STS: variants seen among roughly 807,000 people sequenced by gnomAD.
The protein encoded by STS is steryl-sulfatase.
In STS, 7 loss-of-function variants were observed where a neutral mutation model predicts 26.8. The ratio of observed to expected loss-of-function variants is 0.26; its 90% CI spans 0.15 to 0.49. STS has a LOEUF of 0.49. Ranked by LOEUF, STS falls within the 20% of genes least tolerant of loss-of-function variation. The pLI is 0.98. For synonymous variants in STS, 199 were observed against 189.4 expected, an observed-to-expected ratio of 1.05 and a Z score of -0.42; for missense variants, 434 against 465.6, an observed-to-expected ratio of 0.93 and a Z score of 0.63.
In STS at chrX:7,334,008, A is replaced by G. The variant is rs768132767; in HGVS notation, c.1264A>G (p.Met422Val). The change falls in exon 10 of 11, where the codon ATG becomes GTG. Residue 422 changes from methionine (M) to valine (V), a missense_variant. This residue lies in a region of STS where 205 missense variants were observed against 177.3 expected (regional missense o/e 1.16). Transcript: ENST00000674429. ...EDRIIDGRDL[M>V]PLLEGKSQRS... ...CAGGATCATTGATGGACGTGATCTG[A>G]TGCCCCTGCTTGAAGGAAAAAGCCA... The G allele has an allele frequency of 4.1e-6, 5 of 1,209,494 alleles. No individual in the cohort carries two copies. The African/African-American group carries it at 8.8e-5, about 21-fold the overall frequency.
chrX:7,323,542 A>C (rs1431151786), intron 8 of STS, among the ~76,000 whole-genome samples: 2 of 111,789 alleles, frequency 1.8e-5, no homozygotes, highest in African/African-American at 6.5e-5. Context: ...TGTTGCTACA[A>C]AGGACAATAT....
intron 7 of STS, among the ~76,000 whole-genome samples, chrX:7,283,261 G>A (rs901173750): frequency 9.0e-6 from 1 of 111,682 alleles, no homozygotes; most frequent in African/African-American, 3.3e-5. Context: ...GGAAGGTCAC[G>A]GCAGAAAGAA....
At chrX:7,209,807 G>T (rs1455365802) in intron 2 of STS, among the ~76,000 whole-genome samples, 1 of 109,522 alleles carries the variant, frequency 9.1e-6, no homozygotes, top group Non-Finnish European at 1.9e-5. Context: ...CCTGGTGTGT[G>T]TTGTTCCCCT....
chrX:7,188,004 A>T (rs1178913219), intron 1 of STS, among the ~76,000 whole-genome samples: 2 of 112,205 alleles, frequency 1.8e-5, no homozygotes, highest in Non-Finnish European at 3.8e-5. Flanking sequence ...CTTTGAACAC[A>T]CAAATCAGAA....
chrX:7,334,045 A>G lies in STS; in HGVS notation c.1301A>G (p.His434Arg). ...LLEGKSQRSD[H>R]EFLFHYCNAY... ...GAAGGAAAAAGCCAACGCTCCGATC[A>G]TGAGTTTCTCTTCCATTACTGCAAC... Residue 434 changes from histidine to arginine, a missense_variant, in exon 10 of 11, where the codon CAT becomes CGT. Physicochemically the swap from His to Arg is conservative, Grantham distance 29 (BLOSUM62 0). Transcript: ENST00000674429. 1.7e-6 allele frequency: 2 copies of G among 1,211,598 alleles called. No individual in the cohort carries two copies. Among genetic ancestry groups the G allele is most frequent in the South Asian group, 1.8e-5 (1 of 56,984 alleles).
At chrX:7,234,721 A>G (rs1465117714) in intron 2 of STS, among the ~76,000 whole-genome samples, 1 of 112,086 alleles carries the variant, frequency 8.9e-6, no homozygotes, top group Non-Finnish European at 1.9e-5. Flanking sequence ...GGATGTAAAG[A>G]CTATCCTCAT....
chrX:7,312,866 TC>T (rs757772434), intron 8 of STS, among the ~76,000 whole-genome samples: 1 of 112,485 alleles, frequency 8.9e-6, no homozygotes, highest in Non-Finnish European at 1.9e-5. Flanking sequence ...AGATTTCTCT[TC>T]CTTCTGTCTC....
chrX:7,293,872 C>CTT (rs1455454817), intron 7 of STS, among the ~76,000 whole-genome samples: 3 of 111,373 alleles, frequency 2.7e-5, no homozygotes, highest in Non-Finnish European at 5.7e-5. Context: ...GAAGGGTTAG[C>CTT]TTGAGACCAG....
At chrX:7,286,317 C>T (rs1411997055) in intron 7 of STS, among the ~76,000 whole-genome samples, 14 of 111,370 alleles carry the variant, frequency 1.3e-4, no homozygotes, top group Admixed American at 8.7e-4. Flanking sequence ...TTGGTTTATT[C>T]AGACTGTCAA....
intron 7 of STS, among the ~76,000 whole-genome samples, chrX:7,293,145 G>A (rs1466165073): frequency 2.7e-5 from 3 of 112,038 alleles, no homozygotes; most frequent in African/African-American, 9.7e-5. Context: ...TTGGCTCTCA[G>A]TTGCCATCTC....
chrX:7,194,950 C>T (rs1012551093), intron 2 of STS, among the ~76,000 whole-genome samples: 7 of 111,221 alleles, frequency 6.3e-5, no homozygotes, highest in Non-Finnish European at 9.4e-5. Flanking sequence ...AGCAAGTGAC[C>T]GTACTGAATA....
At chrX:7,232,832 C>T (rs144616017) in intron 2 of STS, among the ~76,000 whole-genome samples, 11 of 111,745 alleles carry the variant, frequency 9.8e-5, no homozygotes, top group Middle Eastern at 4.7e-3. Context: ...GGGAGGTGAC[C>T]GGATCATGGG....
At chrX:7,172,798 C>CA (rs1933492897) in intron 1 of STS, among the ~76,000 whole-genome samples, 1 of 111,887 alleles carries the variant, frequency 8.9e-6, no homozygotes, top group Non-Finnish European at 1.9e-5. Flanking sequence ...TTCTTACCTA[C>CA]AAATAACAAA....
At chrX:7,232,415 G>A (rs182702110) in intron 2 of STS, among the ~76,000 whole-genome samples, 1 of 111,950 alleles carries the variant, frequency 8.9e-6, no homozygotes, top group East Asian at 2.8e-4. Flanking sequence ...TAGAGAATGG[G>A]TTTAGAGAAG....
intron 8 of STS, among the ~76,000 whole-genome samples, chrX:7,313,974 G>T (rs1052773495): frequency 1.1e-4 from 12 of 111,780 alleles, no homozygotes; most frequent in African/African-American, 3.9e-4. Flanking sequence ...GTTTTGCATT[G>T]TTGGCTAGGA....
intron 1 of STS, among the ~76,000 whole-genome samples, chrX:7,160,487 AAC>A (rs1189964661): frequency 2.7e-5 from 3 of 112,585 alleles, no homozygotes; most frequent in African/African-American, 9.7e-5. Context: ...GTAGTTTGAA[AAC>A]ACAAGCTTGG....
intron 9 of STS, among the ~76,000 whole-genome samples, chrX:7,331,887 T>A (rs56124528): frequency 4.0e-5 from 3 of 74,262 alleles, no homozygotes; most frequent in African/African-American, 5.3e-5. Flanking sequence ...TGTGGGATAT[T>A]AAAAAAAAAA....
At chrX:7,193,225 A>G (rs1442258679) in intron 2 of STS, among the ~76,000 whole-genome samples, 1 of 112,234 alleles carries the variant, frequency 8.9e-6, no homozygotes, top group African/African-American at 3.2e-5. Flanking sequence ...TTGTTCTTTA[A>G]AAGGATTGTG....
intron 1 of STS, among the ~76,000 whole-genome samples, chrX:7,156,599 C>T (rs1321894989): frequency 9.0e-6 from 1 of 111,705 alleles, no homozygotes; most frequent in Non-Finnish European, 1.9e-5. Flanking sequence ...CAATAAATTT[C>T]CATGACTCCT....
Sources: allele counts gnomAD v4.1 joint callset (sites outside exome capture counted in the v4.1 genomes callset), GRCh38; gene constraint gnomAD v4.1.1; regional missense constraint gnomAD v4.1.1; transcripts MANE v1.5; gene names NCBI Gene and HGNC (gene_info 2026-07-23, HGNC 2026-07-21).